The following RANBP2 variants were observed in gnomAD, a reference collection of about 807,000 sequenced individuals.
RANBP2 encodes the protein E3 SUMO-protein ligase RanBP2.
Under a neutral mutation model 303.6 loss-of-function variants are expected in RANBP2, and 57 were observed. That is an observed-to-expected ratio of 0.19 (90% CI 0.15 to 0.23). The LOEUF (loss-of-function observed/expected upper bound fraction) is 0.23. Ranked by LOEUF, RANBP2 falls within the 10% of genes least tolerant of loss-of-function variation. RANBP2 has a pLI of 1.00. For synonymous variants in RANBP2, 1,167 were observed against 1,301.5 expected (o/e 0.90, Z 2.23); for missense variants, 3,138 against 3,780.8 (o/e 0.83, Z 4.46).
Position 108,783,998 on chromosome 2 carries a change from A to G in RANBP2, c.*97A>G. On this transcript the variant is annotated 3_prime_UTR_variant, in exon 29 of 29. Transcript: ENST00000283195. Reference sequence around the variant, plus strand: ...AGTTATGTTCAGCTTTTGAAAATGGACGTTTCCGATTTACAAATGTAAAAT... The same window carrying G: ...AGTTATGTTCAGCTTTTGAAAATGGGCGTTTCCGATTTACAAATGTAAAAT... 8.4e-7 allele frequency: 1 copy of G among 1,193,148 alleles called. No individual in the cohort carries two copies. Among genetic ancestry groups the G allele is most frequent in the Non-Finnish European group, 1.2e-6 (1 of 845,314 alleles). The allele number at this position is 1,193,148 out of a possible 1,614,324, so 73.9% of individuals were successfully genotyped here.
intron 6 of RANBP2, among the ~76,000 whole-genome samples, chr2:108,737,541 G>T (rs1228860237): frequency 7.6e-5 from 11 of 143,906 alleles, no homozygotes; most frequent in Non-Finnish European, 1.7e-4. Context: ...GTTCAGGATG[G>T]TCTCAAGCTC....
the RANBP2 span, among the ~76,000 whole-genome samples, chr2:108,918,309 T>C: frequency 6.6e-6 from 1 of 152,346 alleles, no homozygotes; most frequent in East Asian, 1.9e-4. Flanking sequence ...GGATTAACTC[T>C]GCACTAACCA....
the RANBP2 span, among the ~76,000 whole-genome samples, chr2:108,869,663 A>G: frequency 6.6e-6 from 1 of 152,112 alleles, no homozygotes; most frequent in Non-Finnish European, 1.5e-5. Flanking sequence ...AAATTAAGAC[A>G]TTTACAGGCA....
the RANBP2 span, among the ~76,000 whole-genome samples, chr2:108,852,178 A>G: frequency 6.6e-6 from 1 of 152,252 alleles, no homozygotes; most frequent in Non-Finnish European, 1.5e-5. Context: ...CAAATGAGGA[A>G]ATTGAGGCAT....
At chr2:109,607,293 G>A in the RANBP2 span, among the ~76,000 whole-genome samples, 7 of 152,210 alleles carry the variant, frequency 4.6e-5, no homozygotes, top group Non-Finnish European at 8.8e-5. Flanking sequence ...GTTCTTGAAT[G>A]CCTCATTTAA....
chr2:109,074,304 G>T, the RANBP2 span, among the ~76,000 whole-genome samples: 1 of 150,462 alleles, frequency 6.6e-6, no homozygotes, highest in Non-Finnish European at 1.5e-5. Flanking sequence ...GGAGGCAGAG[G>T]TTGCAGTGAA....
the RANBP2 span, among the ~76,000 whole-genome samples, chr2:109,244,000 G>C: frequency 1.3e-5 from 2 of 152,200 alleles, no homozygotes; most frequent in Non-Finnish European, 2.9e-5. Context: ...GCTCATAGGT[G>C]AAGTTTTTGC....
chr2:109,214,473 GAA>G, the RANBP2 span, among the ~76,000 whole-genome samples: 3 of 130,366 alleles, frequency 2.3e-5, no homozygotes, highest in East Asian at 2.1e-4. Context: ...ATAGAAAAGA[GAA>G]AAAAAAAAAA....
the RANBP2 span, among the ~76,000 whole-genome samples, chr2:109,016,410 ACCTTCCCCCTTT>A: frequency 6.6e-6 from 1 of 151,958 alleles, no homozygotes; most frequent in Non-Finnish European, 1.5e-5. Context: ...ATTGTTACCA[ACCTTCCCCCTTT>A]CCTTCCCATG....
chr2:109,003,497 G>A, the RANBP2 span, among the ~76,000 whole-genome samples: 1,029 of 151,488 alleles, frequency 6.8e-3, 13 homozygotes, highest in African/African-American at 0.023. Context: ...TGCAACCTCC[G>A]TCTCCTGGGT....
At chr2:109,664,800 G>A in the RANBP2 span, among the ~76,000 whole-genome samples, 2 of 151,776 alleles carry the variant, frequency 1.3e-5, no homozygotes, top group Non-Finnish European at 2.9e-5. Flanking sequence ...TGTGGTGGCA[G>A]ACAACTGTAA....
At chr2:109,605,430 A>T in the RANBP2 span, 1 of 152,192 alleles carries the variant, frequency 6.6e-6, no homozygotes, top group Non-Finnish European at 1.5e-5. Context: ...AGATCGTACC[A>T]CTGCACTCTA....
At chr2:109,052,738 G>T in the RANBP2 span, among the ~76,000 whole-genome samples, 1 of 152,136 alleles carries the variant, frequency 6.6e-6, no homozygotes, top group South Asian at 2.1e-4. Context: ...GACCCCAAGT[G>T]ATCCTCCCGC....
the RANBP2 span, among the ~76,000 whole-genome samples, chr2:109,570,427 T>A: frequency 6.6e-6 from 1 of 152,034 alleles, no homozygotes; most frequent in Non-Finnish European, 1.5e-5. Flanking sequence ...ATCAAAAATA[T>A]TAGGGGAAAA....
chr2:109,724,916 G>A, the RANBP2 span, among the ~76,000 whole-genome samples: 1 of 152,164 alleles, frequency 6.6e-6, no homozygotes, highest in Admixed American at 6.5e-5. Context: ...AGGGGTTCTT[G>A]GACTAGGGTA....
At chr2:109,396,436 G>A in the RANBP2 span, among the ~76,000 whole-genome samples, 3 of 152,228 alleles carry the variant, frequency 2.0e-5, no homozygotes, top group Non-Finnish European at 4.4e-5. Flanking sequence ...TGCCTGGGCC[G>A]GGTCTGAAGG....
chr2:108,919,841 C>T, the RANBP2 span, among the ~76,000 whole-genome samples: 15 of 152,322 alleles, frequency 9.8e-5, no homozygotes, highest in Non-Finnish European at 1.5e-4. Flanking sequence ...CAGTGGCTCC[C>T]GGCACCCTGA....
Position 108,780,690 on chromosome 2 carries a change from C to T in RANBP2, c.8600-579C>T, listed in dbSNP as rs552951439. Among the ~76,000 whole-genome samples the T allele has an allele frequency of 5.9e-5, 9 of 151,528 alleles. 1 individual carries two copies. The highest frequency in any genetic ancestry group is 3.4e-3 in the Middle Eastern group (1 of 294). ...GACCACAGGCGCATACCACCACTCC[C>T]GGCTTTTCTTTTCTTTCTTTCTTTC... On this transcript the variant is annotated intron_variant, in intron 25 of 28. Transcript: ENST00000283195.
chr2:109,463,402 C>G, the RANBP2 span, among the ~76,000 whole-genome samples: 1 of 152,188 alleles, frequency 6.6e-6, no homozygotes, highest in Non-Finnish European at 1.5e-5. Flanking sequence ...CCAGTCACTT[C>G]CAGGTTTCCC....
Sources: gnomAD v4.1 joint callset for allele counts (sites outside exome capture counted in the v4.1 genomes callset) on GRCh38, gnomAD v4.1.1 for gene constraint, MANE v1.5 for transcripts, NCBI Gene and HGNC (gene_info 2026-07-23, HGNC 2026-07-21) for gene names.